Variants in AFF1 observed in about 807,000 individuals in gnomAD.
AFF1 encodes the protein ALF transcription elongation factor 1, also known as AF4/FMR2 family member 1.
AFF1 carries 48 observed loss-of-function variants against 121.7 expected under a neutral mutation model. The observed-to-expected ratio is 0.39, with a 90% confidence interval of 0.31 to 0.50. The LOEUF is 0.50. AFF1 is among the 20% of genes least tolerant of loss of function. The pLI, the probability that AFF1 is intolerant of heterozygous loss-of-function variation, is 0.76. For missense variants in AFF1, 1,523 were observed against 1,511.7 expected, an observed-to-expected ratio of 1.01 and a Z score of -0.12; for synonymous variants, 613 against 563.0, an observed-to-expected ratio of 1.09 and a Z score of -1.26.
chr4:87,049,775 A>G (rs1034326267), intron 4 of AFF1: 3 of 455,352 alleles, frequency 6.6e-6, no homozygotes, highest in South Asian at 1.6e-5. Flanking sequence ...GAGTGGGAGG[A>G]TGGAACTGAG....
At chr4:87,063,488 C>T (rs1721014188) in intron 4 of AFF1, among the ~76,000 whole-genome samples, 1 of 152,052 alleles carries the variant, frequency 6.6e-6, no homozygotes, top group African/African-American at 2.4e-5. Flanking sequence ...ATCCGCCCAC[C>T]TCGGCCTCCC....
At chr4:87,117,623 C>G (rs1386243624) in intron 12 of AFF1, among the ~76,000 whole-genome samples, 1 of 152,162 alleles carries the variant, frequency 6.6e-6, no homozygotes, top group Non-Finnish European at 1.5e-5. Context: ...GTCAAGTGTG[C>G]AGTGTTTAGA....
At chr4:87,016,545 C>G (rs1197536316) in intron 2 of AFF1, among the ~76,000 whole-genome samples, 1 of 145,446 alleles carries the variant, frequency 6.9e-6, no homozygotes, top group Non-Finnish European at 1.5e-5. Flanking sequence ...GAGTCAGACT[C>G]TGTCTCAAAA....
intron 2 of AFF1, among the ~76,000 whole-genome samples, chr4:87,031,335 T>C (rs1473045855): frequency 6.6e-6 from 1 of 152,214 alleles, no homozygotes; most frequent in Non-Finnish European, 1.5e-5. Context: ...ATGTCCCTGT[T>C]CTTAATTAAT....
intron 2 of AFF1, among the ~76,000 whole-genome samples, chr4:86,952,095 T>C (rs1721393503): frequency 6.6e-6 from 1 of 152,208 alleles, no homozygotes. Context: ...CTGTGGCATA[T>C]TGTTTCACTG....
At chr4:87,046,127 A>C in intron 2 of AFF1, 39 bp from the exon 3 acceptor site, 1 of 1,607,038 alleles carries the variant, frequency 6.2e-7, no homozygotes, top group Middle Eastern at 1.7e-4. Flanking sequence ...GAGACTGATA[A>C]ATTTTATTGT....
chr4:86,980,747 TGGA>T (rs1355430140), intron 2 of AFF1, among the ~76,000 whole-genome samples: 1 of 152,094 alleles, frequency 6.6e-6, no homozygotes, highest in African/African-American at 2.4e-5. Context: ...AGAGAACAGA[TGGA>T]GGAGAGAACG....
At chr4:86,985,670 C>T (rs1385566432) in intron 2 of AFF1, among the ~76,000 whole-genome samples, 1 of 151,856 alleles carries the variant, frequency 6.6e-6, no homozygotes, top group Non-Finnish European at 1.5e-5. Context: ...GAGCAAAACT[C>T]CATCTTAGTA....
In AFF1 at chr4:87,129,404, T is replaced by A. The variant is rs564516597; in HGVS notation, c.2965-1679T>A. 5.3e-5 allele frequency among the ~76,000 whole-genome samples: 8 copies of A among 152,366 alleles called. No individual in the cohort carries two copies. In the South Asian group the frequency reaches 1.2e-3, roughly 24 times the overall value. On this transcript the variant is annotated intron_variant, in intron 16 of 20. Coordinates refer to ENST00000395146, the MANE Select transcript of AFF1 (RefSeq NM_001166693.3). ...CATGGAATCACAGAAATATGGACGT[T>A]ATTGGCCTTATGATATACTTATCTA...
intron 2 of AFF1, chr4:86,950,239 C>G (rs1300290369): frequency 1.1e-6 from 1 of 910,738 alleles, no homozygotes; most frequent in Non-Finnish European, 1.8e-6. Context: ...AGTGCAGTGC[C>G]ATGATCTTGG....
chr4:87,078,032 A>G (rs996735351), intron 4 of AFF1, among the ~76,000 whole-genome samples: 2 of 152,302 alleles, frequency 1.3e-5, no homozygotes, highest in East Asian at 1.9e-4. Context: ...TTTGCTGACT[A>G]TTGCCAAATT....
chr4:87,126,256 A>C lies in AFF1; in HGVS notation c.2731A>C (p.Lys911Gln). The change falls in exon 14 of 21, where the codon AAG (lysine) becomes CAG (glutamine). Residue 911 changes from lysine to glutamine, a missense_variant. Lys to Gln is a moderately conservative substitution (Grantham distance 53, BLOSUM62 1). Transcript: ENST00000395146. ...QDPPKSASST[K>Q]SNHKDSSIPK... ...CCCTCCCAAAAGTGCCAGCAGTACCAAGAGCAACCACAAAGACTCTTCCAT... is the reference window on the plus strand; with the variant it reads ...CCCTCCCAAAAGTGCCAGCAGTACCCAGAGCAACCACAAAGACTCTTCCAT... 1 of 1,614,144 alleles carries C rather than the reference A, an allele frequency of 6.2e-7. No homozygotes were observed. Among genetic ancestry groups the C allele is most frequent in the Non-Finnish European group, 8.5e-7 (1 of 1,180,028 alleles).
At chr4:86,956,404 A>G (rs1721740880) in intron 2 of AFF1, among the ~76,000 whole-genome samples, 1 of 152,212 alleles carries the variant, frequency 6.6e-6, no homozygotes, top group Non-Finnish European at 1.5e-5. Flanking sequence ...GCTACATAGT[A>G]TTTACTCTTC....
intron 4 of AFF1, among the ~76,000 whole-genome samples, chr4:87,051,610 G>C (rs1731266345): frequency 6.6e-6 from 1 of 151,946 alleles, no homozygotes; most frequent in Non-Finnish European, 1.5e-5. Flanking sequence ...ACAGGCATGT[G>C]CCACCATGCC....
chr4:86,954,163 A>G (rs916499604), intron 2 of AFF1, among the ~76,000 whole-genome samples: 1 of 152,260 alleles, frequency 6.6e-6, no homozygotes, highest in East Asian at 1.9e-4. Context: ...CTGCTTTTCA[A>G]TTTGATTTAA....
intron 20 of AFF1, among the ~76,000 whole-genome samples, chr4:87,135,308 A>G (rs1418418872): frequency 1.3e-5 from 2 of 151,938 alleles, no homozygotes; most frequent in African/African-American, 4.8e-5. Flanking sequence ...TTTTTTCATT[A>G]ATGCATCCTT....
intron 1 of AFF1, among the ~76,000 whole-genome samples, chr4:86,939,767 C>T (rs970541206): frequency 3.3e-5 from 5 of 152,204 alleles, no homozygotes; most frequent in African/African-American, 1.2e-4. Flanking sequence ...TCCTGAAAGG[C>T]TTGTGAAAAC....
intron 2 of AFF1, among the ~76,000 whole-genome samples, chr4:87,021,411 A>C (rs943753110): frequency 6.6e-6 from 1 of 152,184 alleles, no homozygotes; most frequent in African/African-American, 2.4e-5. Context: ...AAAAATGTAC[A>C]TTTGCTCTTG....
rs1342553319 is a variant in AFF1 at position 87,139,107 on chromosome 4, T to C, written c.*3406T>C. On this transcript the variant is annotated 3_prime_UTR_variant, in exon 21 of 21. Coordinates refer to ENST00000395146, the MANE Select transcript of AFF1 (RefSeq NM_001166693.3). ...TGTGTCCTCTACAATTAACAAAACTTATCTCTGATATACAAAGGGATATAA... is the reference window on the plus strand; with the variant it reads ...TGTGTCCTCTACAATTAACAAAACTCATCTCTGATATACAAAGGGATATAA... 1 of 227,650 alleles carries C rather than the reference T, an allele frequency of 4.4e-6. No individual in the cohort carries two copies. Among genetic ancestry groups the C allele is most frequent in the Non-Finnish European group, 8.7e-6 (1 of 114,678 alleles). 14.1% of individuals were successfully genotyped at this position (227,650 alleles called of 1,614,324 possible).
Sources: allele counts gnomAD v4.1 joint callset (sites outside exome capture counted in the v4.1 genomes callset), GRCh38; gene constraint gnomAD v4.1.1; transcripts MANE v1.5; gene names NCBI Gene and HGNC (gene_info 2026-07-23, HGNC 2026-07-21).